VWA8: variants seen among roughly 807,000 people sequenced by gnomAD.
VWA8 encodes von Willebrand factor A domain containing 8, also known as von Willebrand factor A domain-containing protein 8.
In VWA8, 221 loss-of-function variants were observed where a neutral mutation model predicts 241.5. The observed-to-expected ratio is 0.91, with a 90% CI of 0.82 to 1.02. VWA8 has a LOEUF of 1.02. VWA8 is among the 50% of genes least tolerant of loss of function. VWA8 has a pLI of 0.00. For missense variants in VWA8, 2,322 were observed against 2,328.7 expected (o/e 1.00, Z 0.06); for synonymous variants, 852 against 827.1 (o/e 1.03, Z -0.52).
At chr13:41,580,765 G>A (rs2044377163) in intron 42 of VWA8, among the ~76,000 whole-genome samples, 1 of 152,204 alleles carries the variant, frequency 6.6e-6, no homozygotes, top group South Asian at 2.1e-4. Flanking sequence ...GTAACGGTGT[G>A]ACCTTGGGCA....
intron 13 of VWA8, among the ~76,000 whole-genome samples, chr13:41,831,548 C>A (rs1209193253): frequency 3.3e-5 from 5 of 151,472 alleles, no homozygotes; most frequent in African/African-American, 1.2e-4. Flanking sequence ...TTAAAAATGC[C>A]AATGTTCAGA....
chr13:41,661,996 T>A (rs766039041), intron 37 of VWA8, among the ~76,000 whole-genome samples: 1 of 152,220 alleles, frequency 6.6e-6, no homozygotes, highest in Admixed American at 6.5e-5. Context: ...TCTGTTTCAT[T>A]GATTTAATTT....
intron 14 of VWA8, among the ~76,000 whole-genome samples, chr13:41,824,484 C>CA (rs564196164): frequency 6.5e-4 from 99 of 152,114 alleles, no homozygotes; most frequent in African/African-American, 2.2e-3. Flanking sequence ...ATCTAGTAGT[C>CA]AGATGGCACT....
intron 24 of VWA8, among the ~76,000 whole-genome samples, chr13:41,724,265 G>T (rs2045414599): frequency 6.6e-6 from 1 of 152,166 alleles, no homozygotes; most frequent in South Asian, 2.1e-4. Context: ...AACGGAGATA[G>T]CAAGTGTAGA....
At position 41,619,251 on chromosome 13, in the gene VWA8, C is replaced by T. The variant is rs191687624; in HGVS notation, c.4612-4167G>A. Among the ~76,000 whole-genome samples, 9 of 152,226 alleles carry T rather than the reference C, an allele frequency of 5.9e-5. No individual in the cohort carries two copies. In the East Asian group the frequency reaches 9.6e-4, roughly 16 times the overall value. ...TAGTAATTGTGAATGGGAGTTCACT[C>T]GTGATTTGGCTCTCTGTTTGTCTGC... On this transcript the variant is annotated intron_variant, in intron 37 of 44. Transcript: ENST00000379310.
intron 18 of VWA8, among the ~76,000 whole-genome samples, 154 bp from the exon 19 acceptor site, chr13:41,784,055 C>A (rs1223054613): frequency 1.3e-5 from 2 of 151,976 alleles, no homozygotes; most frequent in Non-Finnish European, 2.9e-5. Context: ...TAAAACACCA[C>A]AGCTCTAGAT....
At chr13:41,834,712 C>T (rs1181960016) in intron 12 of VWA8, among the ~76,000 whole-genome samples, 1 of 152,188 alleles carries the variant, frequency 6.6e-6, no homozygotes, top group Admixed American at 6.5e-5. Flanking sequence ...ACCATTCAAG[C>T]CAGCAATCCC....
chr13:41,818,719 G>C (rs1870811832), intron 15 of VWA8, among the ~76,000 whole-genome samples: 1 of 152,110 alleles, frequency 6.6e-6, no homozygotes, highest in Admixed American at 6.5e-5. Flanking sequence ...GGACTAATCA[G>C]GCAAGTACAG....
chr13:41,916,778 G>A (rs536122585), intron 2 of VWA8, among the ~76,000 whole-genome samples: 3 of 152,212 alleles, frequency 2.0e-5, no homozygotes, highest in African/African-American at 4.8e-5. Flanking sequence ...TTAAAAGCAC[G>A]CCAGAAATAG....
intron 43 of VWA8, among the ~76,000 whole-genome samples, chr13:41,573,022 TCGCTTGGGTGTGGGAGG>T: frequency 7.0e-6 from 1 of 142,484 alleles, no homozygotes; most frequent in Non-Finnish European, 1.5e-5. Flanking sequence ...GACAGGAGAG[TCGCTTGGGTGTGGGAGG>T]CGCAGGTTGT....
chr13:41,573,406 A>C (rs1461760424), intron 43 of VWA8, among the ~76,000 whole-genome samples: 3 of 136,856 alleles, frequency 2.2e-5, no homozygotes, highest in Non-Finnish European at 4.7e-5. Context: ...CAACGGAGCA[A>C]GACTCCATCT....
chr13:41,898,721 CCCGCG>C (rs1289914294), intron 4 of VWA8, among the ~76,000 whole-genome samples: 1 of 152,206 alleles, frequency 6.6e-6, no homozygotes, highest in Non-Finnish European at 1.5e-5. Flanking sequence ...CGAGGCCTGC[CCCGCG>C]GGAAGGCAGC....
In VWA8 at chr13:41,587,536, G is replaced by C. The variant is rs747733745; in HGVS notation, c.5247C>G (p.Phe1749Leu). The change falls in exon 42 of 45, where the codon TTC (phenylalanine) becomes TTG (leucine). Residue 1749 changes from phenylalanine to leucine, a missense_variant. Physicochemically the swap from Phe to Leu is conservative, Grantham distance 22. Transcript: ENST00000379310. ...MEAVCMVMEA[F>L]ENYEEKFQYD... The stretch of plus-strand genomic sequence containing the variant: ...CCTGGAACTTCTCCTCATAGTTCTC[G>C]AAGGCTTCCATGACCATACACACAG... The C allele has an allele frequency of 1.9e-6, 3 of 1,613,894 alleles. No individual in the cohort carries two copies. Among genetic ancestry groups the C allele is most frequent in the Non-Finnish European group, 2.5e-6 (3 of 1,180,000 alleles).
chr13:41,670,103 A>C (rs145259260), intron 37 of VWA8, among the ~76,000 whole-genome samples: 1 of 152,206 alleles, frequency 6.6e-6, no homozygotes, highest in East Asian at 1.9e-4. Flanking sequence ...TATTGACGAA[A>C]TAGTTTGTAG....
intron 12 of VWA8, among the ~76,000 whole-genome samples, chr13:41,839,847 T>G (rs1265333663): frequency 6.6e-6 from 1 of 152,206 alleles, no homozygotes; most frequent in Non-Finnish European, 1.5e-5. Context: ...TTGTCTTGGC[T>G]ATACGGGCTC....
At chr13:41,895,829 TTC>T (rs1281093513) in intron 4 of VWA8, among the ~76,000 whole-genome samples, 12 of 91,958 alleles carry the variant, frequency 1.3e-4, no homozygotes, top group South Asian at 6.9e-4. Flanking sequence ...CTTGCAAATT[TTC>T]TTTTTTTTTT....
At chr13:41,665,428 T>C (rs2044979421) in intron 37 of VWA8, among the ~76,000 whole-genome samples, 1 of 152,114 alleles carries the variant, frequency 6.6e-6, no homozygotes, top group African/African-American at 2.4e-5. Context: ...ATAAATTTCA[T>C]GCTCTTAAAT....
chr13:41,568,805 C>T (rs928449131), intron 44 of VWA8, among the ~76,000 whole-genome samples: 3 of 152,172 alleles, frequency 2.0e-5, no homozygotes, highest in African/African-American at 7.2e-5. Flanking sequence ...TTTTGGTCCA[C>T]ATCACACAAT....
At chr13:41,610,179 C>T (rs1469083601) in intron 39 of VWA8, among the ~76,000 whole-genome samples, 1 of 152,208 alleles carries the variant, frequency 6.6e-6, no homozygotes, top group Non-Finnish European at 1.5e-5. Flanking sequence ...GAGAATGACA[C>T]ATTTCCAATT....
Sources: allele counts gnomAD v4.1 joint callset (sites outside exome capture counted in the v4.1 genomes callset), GRCh38; gene constraint gnomAD v4.1.1; transcripts MANE v1.5; gene names NCBI Gene and HGNC (gene_info 2026-07-23, HGNC 2026-07-21).